TCF12: variants seen among roughly 807,000 people sequenced by gnomAD.
The protein encoded by TCF12 is transcription factor 12, also known as DNA-binding protein HTF4.
Under a neutral mutation model 86.0 loss-of-function variants are expected in TCF12, and 45 were observed. That is an observed-to-expected ratio of 0.52 (90% confidence interval 0.41 to 0.67). The LOEUF (loss-of-function observed/expected upper bound fraction) is 0.67. Ranked by LOEUF, TCF12 falls within the 30% of genes least tolerant of loss-of-function variation. The probability of loss-of-function intolerance (pLI) is 0.00; values close to 1 mark genes in which losing one functional copy is unlikely to be tolerated. For synonymous variants in TCF12, 330 were observed against 299.6 expected (o/e 1.10, Z -1.05); for missense variants, 881 against 859.9 (o/e 1.02, Z -0.31).
intron 5 of TCF12, among the ~76,000 whole-genome samples, chr15:57,126,641 T>C (rs1428964388): frequency 6.6e-6 from 1 of 152,220 alleles, no homozygotes; most frequent in African/African-American, 2.4e-5. Context: ...TTTCTGTCAT[T>C]GATGTGCCCT....
At chr15:57,196,159 C>T (rs1487017849) in intron 7 of TCF12, among the ~76,000 whole-genome samples, 4 of 129,264 alleles carry the variant, frequency 3.1e-5, no homozygotes, top group Non-Finnish European at 7.1e-5. Context: ...CAGCCAACCA[C>T]AGATAGAAAA....
At chr15:57,113,638 C>T (rs1767568737) in intron 5 of TCF12, among the ~76,000 whole-genome samples, 2 of 151,764 alleles carry the variant, frequency 1.3e-5, no homozygotes, top group African/African-American at 4.8e-5. Flanking sequence ...TACAGAACTC[C>T]TGTTGAAAAG....
At chr15:57,209,115 G>C (rs1314475721) in intron 8 of TCF12, among the ~76,000 whole-genome samples, 3 of 152,122 alleles carry the variant, frequency 2.0e-5, no homozygotes, top group Non-Finnish European at 4.4e-5. Flanking sequence ...GGACTACAAG[G>C]CCATTATTTT....
At chr15:57,271,905 A>G (rs1204128089) in intron 18 of TCF12, among the ~76,000 whole-genome samples, 1 of 152,202 alleles carries the variant, frequency 6.6e-6, no homozygotes, top group Non-Finnish European at 1.5e-5. Context: ...TTTAACAGCC[A>G]CCTTATTCAT....
rs1256866854 is a variant in TCF12 at position 57,036,953 on chromosome 15, G to C, written c.149-26797G>C. 2.0e-5 allele frequency among the ~76,000 whole-genome samples: 3 copies of C among 152,130 alleles called. 1 individual carries two copies. The highest frequency in any genetic ancestry group is 7.2e-5 in the African/African-American group (3 of 41,434). On this transcript the variant is annotated intron_variant, in intron 3 of 20. Coordinates refer to ENST00000333725, the MANE Select transcript of TCF12 (RefSeq NM_207037.2). ...AACATTTCCTTATAGTAAGTCAAAG[G>C]ATTGGGACAGCTGCACATAACTAGC...
intron 5 of TCF12, among the ~76,000 whole-genome samples, chr15:57,135,871 C>T (rs188541880): frequency 6.4e-4 from 97 of 151,398 alleles, no homozygotes; most frequent in African/African-American, 2.3e-3. Flanking sequence ...TGCTTAAATA[C>T]ATTGTTGTTA....
At position 57,282,583 on chromosome 15, in the gene TCF12, T is replaced by C. The variant is rs1359582700; in HGVS notation, c.2117T>C (p.Met706Thr). 2 of 1,612,820 alleles carry C rather than the reference T, an allele frequency of 1.2e-6. No homozygotes were observed. Among genetic ancestry groups the C allele is most frequent in the African/African-American group, 1.3e-5 (1 of 74,842 alleles). The part of the protein sequence containing the change: ...LSETTNPMGH[M>T] ...GAAACTACCAACCCTATGGGTCATATGTAAACATCAGCCAGGTAAGTACGG... is the reference window on the plus strand; with the variant it reads ...GAAACTACCAACCCTATGGGTCATACGTAAACATCAGCCAGGTAAGTACGG... Residue 706 changes from methionine (M) to threonine (T), a missense_variant, in exon 20 of 21, where the codon ATG (methionine) becomes ACG (threonine). Met to Thr is a moderately conservative substitution (Grantham distance 81, BLOSUM62 -1). This residue lies in a region of TCF12 where 69 missense variants were observed against 64.2 expected (regional missense o/e 1.07). Coordinates refer to ENST00000333725, the MANE Select transcript of TCF12 (RefSeq NM_207037.2).
chr15:57,265,533 T>C (rs2060822105), intron 18 of TCF12, among the ~76,000 whole-genome samples: 1 of 152,152 alleles, frequency 6.6e-6, no homozygotes, highest in Non-Finnish European at 1.5e-5. Context: ...CTTACTTATT[T>C]TTATGAGTCT....
intron 3 of TCF12, among the ~76,000 whole-genome samples, chr15:56,997,508 ACTT>A (rs1189202548): frequency 6.6e-6 from 1 of 152,222 alleles, no homozygotes; most frequent in Admixed American, 6.5e-5. Flanking sequence ...AAAAATAACT[ACTT>A]ATTAGATATT....
At chr15:56,972,243 T>TAACAGAAC (rs1230098551) in intron 3 of TCF12, among the ~76,000 whole-genome samples, 5 of 152,360 alleles carry the variant, frequency 3.3e-5, no homozygotes, top group African/African-American at 1.2e-4. Context: ...CGGCAGCATC[T>TAACAGAAC]AACAGAACTG....
At chr15:57,259,689 C>A (rs1464175462) in intron 16 of TCF12, among the ~76,000 whole-genome samples, 1 of 152,162 alleles carries the variant, frequency 6.6e-6, no homozygotes, top group Non-Finnish European at 1.5e-5. Context: ...TGGGGTTTGC[C>A]TTGCCCTGCT....
At position 57,001,011 on chromosome 15, in the gene TCF12, A is replaced by AT. The variant is rs1437384791; in HGVS notation, c.149-62739_149-62738insT. Among the ~76,000 whole-genome samples, 640 of 134,396 alleles carry AT rather than the reference A, an allele frequency of 4.8e-3. 3 individuals are homozygous for AT. The highest frequency in any genetic ancestry group is 9.0e-3 in the Admixed American group (118 of 13,046). The allele number at this position is 134,396 out of a possible 152,430, so 88.2% of individuals were successfully genotyped here. ...TTTAAATTTTTAAAAATTTAAAAAA[A>AT]ATTTTTTTTTTTTTTTTTTTGAGAC... On this transcript the variant is annotated intron_variant, in intron 3 of 20. Coordinates refer to ENST00000333725, the MANE Select transcript of TCF12 (RefSeq NM_207037.2).
At chr15:56,943,118 G>A (rs764119510) in intron 3 of TCF12, among the ~76,000 whole-genome samples, 5 of 152,036 alleles carry the variant, frequency 3.3e-5, no homozygotes, top group Admixed American at 1.3e-4. Context: ...AGAGCTTTTC[G>A]TCTATATGTA....
chr15:57,215,663 C>T (rs2058302712), intron 8 of TCF12, among the ~76,000 whole-genome samples: 1 of 152,044 alleles, frequency 6.6e-6, no homozygotes, highest in African/African-American at 2.4e-5. Flanking sequence ...TAAGATTAAC[C>T]ACTAACTGGC....
chr15:57,213,019 G>T (rs12908760), intron 8 of TCF12, among the ~76,000 whole-genome samples: 58,597 of 152,184 alleles, frequency 0.39, 14,136 homozygotes, highest in Non-Finnish European at 0.53. Flanking sequence ...CATAGAACAA[G>T]TAGCTTAACA....
chr15:57,183,801 A>G (rs2056503165), intron 6 of TCF12, among the ~76,000 whole-genome samples: 2 of 152,166 alleles, frequency 1.3e-5, no homozygotes, highest in Non-Finnish European at 2.9e-5. Context: ...GAAGAGGGAA[A>G]CAGACTCATT....
At chr15:57,063,960 T>C in intron 4 of TCF12, 137 bp downstream of exon 4, 1 of 677,008 alleles carries the variant, frequency 1.5e-6, no homozygotes, top group Non-Finnish European at 2.5e-6. Flanking sequence ...AGTACCTTTT[T>C]GTTACATTTA....
chr15:57,093,420 ACT>A (rs1328014848), intron 5 of TCF12, among the ~76,000 whole-genome samples: 1 of 152,248 alleles, frequency 6.6e-6, no homozygotes, highest in Non-Finnish European at 1.5e-5. Flanking sequence ...TGAGAATATA[ACT>A]CTGAACTGTG....
At chr15:57,142,061 A>T (rs1266034376) in intron 5 of TCF12, among the ~76,000 whole-genome samples, 1 of 152,154 alleles carries the variant, frequency 6.6e-6, no homozygotes, top group Non-Finnish European at 1.5e-5. Flanking sequence ...CACAGCAAAA[A>T]CAAGAGGAGG....
Sources: allele counts gnomAD v4.1 joint callset (sites outside exome capture counted in the v4.1 genomes callset), GRCh38; gene constraint gnomAD v4.1.1; regional missense constraint gnomAD v4.1.1; transcripts MANE v1.5; gene names NCBI Gene and HGNC (gene_info 2026-07-23, HGNC 2026-07-21).